Variants in MGAT4D observed in about 807,000 individuals in gnomAD.
The protein encoded by MGAT4D is alpha-1,3-mannosyl-glycoprotein 4-beta-N-acetylglucosaminyltransferase-like protein MGAT4D.
Under a neutral mutation model 15.9 loss-of-function variants are expected in MGAT4D, and 34 were observed. The ratio of observed to expected loss-of-function variants is 2.14; its 90% CI spans 1.62 to 2.84. The LOEUF is 2.84. Among genes scored for constraint, MGAT4D ranks in the 30% most tolerant of loss-of-function variants. MGAT4D has a pLI of 0.00. For missense variants in MGAT4D, 327 were observed against 140.2 expected (o/e 2.33, Z -6.73); for synonymous variants, 112 against 48.2 (o/e 2.33, Z -5.49).
chr4:140,446,391 T>C (rs543125293), intron 10 of MGAT4D, among the ~76,000 whole-genome samples: 69 of 152,310 alleles, frequency 4.5e-4, no homozygotes, highest in African/African-American at 1.2e-3. Context: ...CCTGGTTAAG[T>C]CTTCAGAGAG....
In MGAT4D at chr4:140,492,166, A is replaced by C. The variant is rs1465685041; in HGVS notation, c.94+5963T>G. ...CCTTGTGGGGGGGAAAATGTATAAT[A>C]TTGCTAAGACCACAATGTTGTGAGA... On this transcript the variant is annotated intron_variant, in intron 1 of 10. Transcript: ENST00000511113. Among the ~76,000 whole-genome samples the C allele has an allele frequency of 2.0e-5, 3 of 152,192 alleles. No individual in the cohort carries two copies. In the East Asian group the frequency reaches 5.8e-4, roughly 29 times the overall value.
chr4:140,454,703 C>T (rs1034842743), intron 9 of MGAT4D, among the ~76,000 whole-genome samples: 1 of 152,094 alleles, frequency 6.6e-6, no homozygotes, highest in African/African-American at 2.4e-5. Context: ...TAGTAGAATG[C>T]ACCTTTAAAC....
intron 3 of MGAT4D, among the ~76,000 whole-genome samples, chr4:140,478,747 A>C (rs1231646355): frequency 6.6e-6 from 1 of 150,774 alleles, no homozygotes; most frequent in East Asian, 2.0e-4. Context: ...AACTGCCTAG[A>C]GCAGAGGTCA....
At chr4:140,483,143 T>C (rs1732856528) in intron 1 of MGAT4D, among the ~76,000 whole-genome samples, 1 of 152,210 alleles carries the variant, frequency 6.6e-6, no homozygotes, top group South Asian at 2.1e-4. Flanking sequence ...TAAAAATCTC[T>C]GCCTCAGAGC....
chr4:140,492,590 C>T (rs187336712), intron 1 of MGAT4D, among the ~76,000 whole-genome samples: 20 of 151,200 alleles, frequency 1.3e-4, no homozygotes, highest in African/African-American at 1.9e-4. Flanking sequence ...ATTGCACCAC[C>T]GCCCTCTAGC....
At chr4:140,469,918 G>C (rs533758421) in intron 5 of MGAT4D, among the ~76,000 whole-genome samples, 3 of 152,374 alleles carry the variant, frequency 2.0e-5, no homozygotes, top group Admixed American at 2.0e-4. Context: ...CTGCTCTGCA[G>C]TGCATCCTGT....
intron 3 of MGAT4D, among the ~76,000 whole-genome samples, chr4:140,478,370 A>G (rs1732478299): frequency 1.3e-5 from 2 of 152,006 alleles, no homozygotes; most frequent in Non-Finnish European, 2.9e-5. Flanking sequence ...TTGGTGTCTA[A>G]TATCTTATCA....
chr4:140,479,529 T>C lies in MGAT4D; in HGVS notation c.352A>G (p.Ile118Val). The C allele has an allele frequency of 1.8e-6, 1 of 557,808 alleles. No individual in the cohort carries two copies. Among genetic ancestry groups the C allele is most frequent in the Non-Finnish European group, 3.2e-6 (1 of 316,048 alleles). 34.6% of individuals were successfully genotyped at this position (557,808 alleles called of 1,614,324 possible). A position where few individuals can be genotyped will look rare whatever the true frequency, so the allele number is the denominator to read the frequency against. The change falls in exon 3 of 11, where the codon ATT becomes GTT. Residue 118 changes from isoleucine (I) to valine (V), a missense_variant. By Grantham distance (29) the Ile-to-Val change is conservative (BLOSUM62 3). Coordinates refer to ENST00000511113, the MANE Select transcript of MGAT4D (RefSeq NM_001277353.2). ...TTGCCAATGATTACATCAGGATAAA[T>C]TCTACCTTCTTTCCTTAGATGAGGA... ...FFPHLRKEGR[I>V]YPDVIIGKGK...
chr4:140,460,515 T>C (rs1385293700), intron 7 of MGAT4D, among the ~76,000 whole-genome samples: 2 of 152,146 alleles, frequency 1.3e-5, no homozygotes, highest in African/African-American at 2.4e-5. Context: ...TACTATCACC[T>C]TGGGGGTGAG....
intron 10 of MGAT4D, among the ~76,000 whole-genome samples, chr4:140,449,060 G>A (rs1034096066): frequency 1.3e-5 from 2 of 152,200 alleles, no homozygotes; most frequent in Non-Finnish European, 2.9e-5. Context: ...CCTATGCCCA[G>A]TGCACTGTAA....
chr4:140,477,590 T>C (rs527484558), intron 3 of MGAT4D, among the ~76,000 whole-genome samples: 1 of 152,350 alleles, frequency 6.6e-6, no homozygotes, highest in African/African-American at 2.4e-5. Flanking sequence ...GTCCTATCTG[T>C]TCTCAAAGAG....
intron 5 of MGAT4D, among the ~76,000 whole-genome samples, chr4:140,469,661 A>C (rs1731784060): frequency 6.6e-6 from 1 of 151,916 alleles, no homozygotes; most frequent in African/African-American, 2.4e-5. Flanking sequence ...CCACTTCTTG[A>C]TTGTTTTGCC....
At chr4:140,456,544 A>C in intron 9 of MGAT4D, 45 bp downstream of exon 9, 1 of 559,184 alleles carries the variant, frequency 1.8e-6, no homozygotes, top group Non-Finnish European at 3.2e-6. Flanking sequence ...TTGGATAGAT[A>C]ATATTTTTCC....
At chr4:140,444,260 T>A (rs1729945753) in intron 10 of MGAT4D, among the ~76,000 whole-genome samples, 2 of 152,108 alleles carry the variant, frequency 1.3e-5, no homozygotes, top group South Asian at 4.1e-4. Flanking sequence ...ATGTGTAGGT[T>A]TGTTATATAG....
chr4:140,451,307 A>T (rs1344671647), intron 10 of MGAT4D, 103 bp downstream of exon 10: 1 of 404,810 alleles, frequency 2.5e-6, no homozygotes, highest in Non-Finnish European at 4.4e-6. Context: ...CTGCTTAAAC[A>T]ACCATATTTT....
rs147791458 is a variant in MGAT4D at position 140,493,932 on chromosome 4, A to G, written c.94+4197T>C. Among the ~76,000 whole-genome samples, 528 of 152,328 alleles carry G rather than the reference A, an allele frequency of 3.5e-3. 6 individuals are homozygous for G. The highest frequency in any genetic ancestry group is 0.012 in the African/African-American group (503 of 41,576). On this transcript the variant is annotated intron_variant, in intron 1 of 10. Transcript: ENST00000511113. ...TGTCAGACATTGAGGCAGTGGCCAGAGGCAAGAGTAGTAGCAGGCCAGCCA... is the reference window on the plus strand; with the variant it reads ...TGTCAGACATTGAGGCAGTGGCCAGGGGCAAGAGTAGTAGCAGGCCAGCCA...
chr4:140,453,776 T>C (rs1245473115), intron 9 of MGAT4D, among the ~76,000 whole-genome samples: 1 of 152,126 alleles, frequency 6.6e-6, no homozygotes, highest in South Asian at 2.1e-4. Flanking sequence ...TCACCTTCTG[T>C]CATGATTGTA....
intron 10 of MGAT4D, chr4:140,450,186 C>T: frequency 3.5e-6 from 1 of 285,998 alleles, no homozygotes. Flanking sequence ...TTGTTATTGA[C>T]TTCTATTTTG....
intron 1 of MGAT4D, among the ~76,000 whole-genome samples, chr4:140,488,079 C>T (rs1733260407): frequency 6.6e-6 from 1 of 152,180 alleles, no homozygotes; most frequent in Non-Finnish European, 1.5e-5. Context: ...AGCTTTATTG[C>T]CTTTAGCTGC....
Sources: gnomAD v4.1 joint callset for allele counts (sites outside exome capture counted in the v4.1 genomes callset) on GRCh38, gnomAD v4.1.1 for gene constraint, MANE v1.5 for transcripts, NCBI Gene and HGNC (gene_info 2026-07-23, HGNC 2026-07-21) for gene names.